The following ARMC6 variants were observed in gnomAD, a reference collection of about 807,000 sequenced individuals.
ARMC6 encodes the protein armadillo repeat-containing protein 6.
In ARMC6, 43 loss-of-function variants were observed where a neutral mutation model predicts 49.2. The ratio of observed to expected loss-of-function variants is 0.87; its 90% confidence interval spans 0.69 to 1.13. The LOEUF (loss-of-function observed/expected upper bound fraction) is 1.13. Among genes scored for constraint, ARMC6 ranks in the 50% most tolerant of loss-of-function variants. The probability of loss-of-function intolerance (pLI) is 0.00; values close to 1 mark genes in which losing one functional copy is unlikely to be tolerated. For missense variants in ARMC6, 627 were observed against 682.0 expected (o/e 0.92, Z 0.90); for synonymous variants, 262 against 289.6 (o/e 0.90, Z 0.97).
chr19:19,039,135 AT>A (rs35418488), intron 2 of ARMC6, among the ~76,000 whole-genome samples: 124,636 of 150,570 alleles, frequency 0.83, 51,631 homozygotes, highest in East Asian at 0.89. Context: ...TGATTTAGTA[AT>A]TTTTTTTTTT....
Position 19,055,044 on chromosome 19 carries a change from C to T in ARMC6, c.1024-221C>T, listed in dbSNP as rs2059531866. On this transcript the variant is annotated intron_variant, in intron 6 of 8. Coordinates refer to ENST00000535612, the MANE Select transcript of ARMC6 (RefSeq NM_001199196.2). This position sits in a 1 kb window ranked among gnomAD's most constrained non-coding sequence, Gnocchi z 5.7. ...GAAGGCCGGCCTGAGTCACATGCCCCCGCTGCCCCTGTCGGGGTAGGGGAT... is the reference window on the plus strand; with the variant it reads ...GAAGGCCGGCCTGAGTCACATGCCCTCGCTGCCCCTGTCGGGGTAGGGGAT... Among the ~76,000 whole-genome samples, 2 of 152,184 alleles carry T rather than the reference C, an allele frequency of 1.3e-5. No homozygotes were observed. Among genetic ancestry groups the T allele is most frequent in the African/African-American group, 4.8e-5 (2 of 41,458 alleles).
At chr19:19,056,759 C>T (rs1040049860) in intron 8 of ARMC6, among the ~76,000 whole-genome samples, 4 of 152,184 alleles carry the variant, frequency 2.6e-5, no homozygotes, top group Admixed American at 6.5e-5. Flanking sequence ...GGGCCCTCCT[C>T]GCCTCCTCAC....
rs2059524445 is a variant in ARMC6 at position 19,054,249 on chromosome 19, G to A, written c.951G>A (p.Gly317=). The change falls in exon 6 of 9, where the codon GGG becomes GGA. Residue 317 remains glycine, a synonymous_variant. Transcript: ENST00000535612. ...NEFCQEVVDL[G]GLSILVSLLA... is the part of the protein sequence containing the mutation. ...TCTGCCAGGAGGTCGTCGACCTCGG[G>A]GGCCTGAGCATTCTGGTGTCCCTGC... 5 of 1,612,200 alleles carry A rather than the reference G, an allele frequency of 3.1e-6. No homozygotes were observed. The highest frequency in any genetic ancestry group is 2.7e-5 in the African/African-American group (2 of 74,908).
At position 19,051,847 on chromosome 19, in the gene ARMC6, C is replaced by G. The variant is rs2145873239; in HGVS notation, c.505C>G (p.Gln169Glu). Residue 169 changes from glutamine (Q) to glutamate (E), a missense_variant, in exon 5 of 9, where the codon CAG (glutamine) becomes GAG (glutamate). Coordinates refer to ENST00000535612, the MANE Select transcript of ARMC6 (RefSeq NM_001199196.2). Reference sequence around the variant, plus strand: ...TGCCCTGTCGGTGCTGACTGATGGACAGCCAGACCTCCTGGATGCCCAGGG... The same window carrying G: ...TGCCCTGTCGGTGCTGACTGATGGAGAGCCAGACCTCCTGGATGCCCAGGG... Reference protein sequence around the residue: ...LNALSVLTDGQPDLLDAQGLQ... With the variant: ...LNALSVLTDGEPDLLDAQGLQ... The G allele has an allele frequency of 6.2e-7, 1 of 1,614,118 alleles. No homozygotes were observed. The highest frequency in any genetic ancestry group is 8.5e-7 in the Non-Finnish European group (1 of 1,180,024).
rs1157259732 is a variant in ARMC6, at chr19:19,051,762, C to T, written c.420C>T (p.Ile140=). The T allele has an allele frequency of 6.2e-7, 1 of 1,613,960 alleles. No homozygotes were observed. The highest frequency in any genetic ancestry group is 8.5e-7 in the Non-Finnish European group (1 of 1,180,046). Reference sequence around the variant, plus strand: ...CCCAGAAGGGGGCCTACCCCATCATCTTCACTGCCTGGAAGCTGGCCACTG... The same window carrying T: ...CCCAGAAGGGGGCCTACCCCATCATTTTCACTGCCTGGAAGCTGGCCACTG... The part of the protein sequence containing the change: ...LAAQKGAYPI[I]FTAWKLATAG... The change falls in exon 5 of 9, where the codon ATC becomes ATT. Residue 140 remains isoleucine, a synonymous_variant. Coordinates refer to ENST00000535612, the MANE Select transcript of ARMC6 (RefSeq NM_001199196.2).
Position 19,055,640 on chromosome 19 carries a change from A to G in ARMC6, c.1156-151A>G. 2.4e-6 allele frequency: 3 copies of G among 1,238,214 alleles called. No individual in the cohort carries two copies. The highest frequency in any genetic ancestry group is 3.1e-5 in the South Asian group (2 of 64,960). 76.7% of individuals were successfully genotyped at this position (1,238,214 alleles called of 1,614,324 possible). ...TGTCACCCCTAAGAGCTGAGCTGAT[A>G]TTTTTGTCACCCTGCCATTATTACA... On this transcript the variant is annotated intron_variant, in intron 7 of 8. Coordinates refer to ENST00000535612, the MANE Select transcript of ARMC6 (RefSeq NM_001199196.2). This position sits in a 1 kb window ranked among gnomAD's most constrained non-coding sequence, Gnocchi z 5.7.
chr19:19,038,777 G>A (rs924518720), intron 2 of ARMC6, among the ~76,000 whole-genome samples: 2 of 151,986 alleles, frequency 1.3e-5, no homozygotes, highest in Non-Finnish European at 1.5e-5. Flanking sequence ...TGTTGGTCTT[G>A]AACTCCTGAC....
Position 19,051,786 on chromosome 19 carries a change from T to G in ARMC6, c.444T>G (p.Thr148=). The change falls in exon 5 of 9, where the codon ACT becomes ACG. Residue 148 remains threonine (T), a synonymous_variant. Transcript: ENST00000535612. Reference sequence around the variant, plus strand: ...TCTTCACTGCCTGGAAGCTGGCCACTGCAGGTGACCAGGGCCTTCTGCTCC... The same window carrying G: ...TCTTCACTGCCTGGAAGCTGGCCACGGCAGGTGACCAGGGCCTTCTGCTCC... ...PIIFTAWKLA[T]AGDQGLLLQS... is the part of the protein sequence containing the mutation. 6.2e-7 allele frequency: 1 copy of G among 1,614,092 alleles called. No homozygotes were observed. Among genetic ancestry groups the G allele is most frequent in the Non-Finnish European group, 8.5e-7 (1 of 1,180,034 alleles).
chr19:19,037,570 T>C, intron 2 of ARMC6: 1 of 986,748 alleles, frequency 1.0e-6, no homozygotes, highest in Non-Finnish European at 1.4e-6. Flanking sequence ...TTTCGCCACG[T>C]GTCCAGGCTG....
intron 2 of ARMC6, among the ~76,000 whole-genome samples, chr19:19,042,030 A>C (rs979234606): frequency 2.0e-5 from 3 of 151,828 alleles, no homozygotes; most frequent in Admixed American, 2.0e-4. Context: ...AGTAGTTGGG[A>C]CTACAGGCAT....
rs1220552035 is a variant in ARMC6 at position 19,055,333 on chromosome 19, T to G, written c.1092T>G (p.Ile364Met). The G allele has an allele frequency of 6.2e-7, 1 of 1,613,394 alleles. No individual in the cohort carries two copies. Residue 364 changes from isoleucine (I) to methionine (M), a missense_variant, in exon 7 of 9, where the codon ATT becomes ATG. Ile to Met is a conservative substitution (Grantham distance 10). Transcript: ENST00000535612. This position sits in a 1 kb window ranked among gnomAD's most constrained non-coding sequence, Gnocchi z 5.7. ...GCAACGACGACGTGAAAGATGCTAT[T>G]GTCCGTGCTGGTGGGACGGAGTCCA... The part of the protein sequence containing the change: ...IAGNDDVKDA[I>M]VRAGGTESIV...
chr19:19,049,212 C>G (rs1169324289), intron 4 of ARMC6, among the ~76,000 whole-genome samples: 1 of 152,040 alleles, frequency 6.6e-6, no homozygotes, highest in Non-Finnish European at 1.5e-5. Context: ...CCACCAACAT[C>G]TGGCTAATTT....
chr19:19,036,618 C>T (rs1248952021), intron 2 of ARMC6, among the ~76,000 whole-genome samples: 2 of 152,156 alleles, frequency 1.3e-5, no homozygotes, highest in African/African-American at 2.4e-5. Context: ...CTTCCTTCAC[C>T]TTTAACCTTG....
At position 19,033,752 on chromosome 19, in the gene ARMC6, T is replaced by G. The variant is rs1325112968; in HGVS notation, c.-258T>G. 3.9e-6 allele frequency: 1 copy of G among 253,670 alleles called. No homozygotes were observed. The highest frequency in any genetic ancestry group is 7.5e-6 in the Non-Finnish European group (1 of 133,210). The allele number at this position is 253,670 out of a possible 1,614,324, so 15.7% of individuals were successfully genotyped here. A position where few individuals can be genotyped will look rare whatever the true frequency, so the allele number is the denominator to read the frequency against. ...CTCCGTCGCGCACGAGGTGGCCTCG[T>G]TGGCTTTACCTTGGTTCGCGGTCGT... On this transcript the variant is annotated 5_prime_UTR_variant, in exon 1 of 9. Transcript: ENST00000535612.
At position 19,054,216 on chromosome 19, in the gene ARMC6, CA is replaced by C; in HGVS notation, c.920del (p.Asn307ThrfsTer13). ...CGTLSRLAIRNEFCQEVVDLG... is the reference protein window; with the variant it reads ...CGTLSRLAIRXEFCQEVVDLG... ...GAACCCTGTCCCGCCTGGCCATTCG[CA>C]ACGAGTTCTGCCAGGAGGTCGTCGA... On this transcript the variant is annotated frameshift_variant, in exon 6 of 9. Coordinates refer to ENST00000535612, the MANE Select transcript of ARMC6 (RefSeq NM_001199196.2). LOFTEE classifies it high-confidence loss of function. The C allele has an allele frequency of 6.2e-7, 1 of 1,611,996 alleles. No homozygotes were observed. Among genetic ancestry groups the C allele is most frequent in the Non-Finnish European group, 8.5e-7 (1 of 1,179,138 alleles).
rs1225681305 is a variant in ARMC6 at position 19,055,988 on chromosome 19, A to G, written c.1293+60A>G. On this transcript the variant is annotated intron_variant, in intron 8 of 8. Coordinates refer to ENST00000535612, the MANE Select transcript of ARMC6 (RefSeq NM_001199196.2). The surrounding 1 kb of genome is among the most constrained non-coding windows in gnomAD (Gnocchi z 5.7). ...GTGTGGGATGTGCAGGTAGGTGCAGAGAGGGCATGGGAGCAGGTGCGGTGT... is the reference window on the plus strand; with the variant it reads ...GTGTGGGATGTGCAGGTAGGTGCAGGGAGGGCATGGGAGCAGGTGCGGTGT... The G allele has an allele frequency of 1.2e-5, 19 of 1,553,876 alleles. No homozygotes were observed. In the Admixed American group the frequency reaches 3.4e-4, roughly 28 times the overall value.
At chr19:19,054,475 G>C (rs1207487310) in intron 6 of ARMC6, among the ~76,000 whole-genome samples, 154 bp downstream of exon 6, 2 of 152,146 alleles carry the variant, frequency 1.3e-5, no homozygotes, top group Non-Finnish European at 2.9e-5. Context: ...CAAAGGTCGG[G>C]GGGGAAACAA....
Position 19,055,072 on chromosome 19 carries a change from A to G in ARMC6, c.1024-193A>G, listed in dbSNP as rs573812747. On this transcript the variant is annotated intron_variant, in intron 6 of 8. Coordinates refer to ENST00000535612, the MANE Select transcript of ARMC6 (RefSeq NM_001199196.2). This position sits in a 1 kb window ranked among gnomAD's most constrained non-coding sequence, Gnocchi z 5.7. The stretch of plus-strand genomic sequence containing the variant: ...CTGCCCCTGTCGGGGTAGGGGATCA[A>G]GTCACCTGGATGGTACCGTTTGGAC... Among the ~76,000 whole-genome samples, 1 of 152,302 alleles carries G rather than the reference A, an allele frequency of 6.6e-6. No homozygotes were observed. The highest frequency in any genetic ancestry group is 1.5e-5 in the Non-Finnish European group (1 of 68,024).
chr19:19,057,934 C>T lies in ARMC6; in HGVS notation c.*306C>T. On this transcript the variant is annotated 3_prime_UTR_variant, in exon 9 of 9. Transcript: ENST00000535612. Reference sequence around the variant, plus strand: ...GGCAAAGGGCACGTCCCATCACTCACTGCCCTGTCTGAAATGTGGCAGCCA... The same window carrying T: ...GGCAAAGGGCACGTCCCATCACTCATTGCCCTGTCTGAAATGTGGCAGCCA... 1 of 465,660 alleles carries T rather than the reference C, an allele frequency of 2.1e-6. No homozygotes were observed. 28.8% of individuals were successfully genotyped at this position (465,660 alleles called of 1,614,324 possible).
Sources: gnomAD v4.1 joint callset for allele counts (sites outside exome capture counted in the v4.1 genomes callset) on GRCh38, gnomAD v4.1.1 for gene constraint, Gnocchi (gnomAD v3.1) non-coding constraint, MANE v1.5 for transcripts, NCBI Gene and HGNC (gene_info 2026-07-23, HGNC 2026-07-21) for gene names.